The following MARCHF7 variants were observed in gnomAD, a reference collection of about 807,000 sequenced individuals.
MARCHF7 encodes membrane associated ring-CH-type finger 7.
Under a neutral mutation model 76.5 loss-of-function variants are expected in MARCHF7, and 20 were observed. That is an observed-to-expected ratio of 0.26 (90% CI 0.18 to 0.38). The LOEUF (loss-of-function observed/expected upper bound fraction) is 0.38, where lower values mean the gene tolerates loss of function less well. Ranked by LOEUF, MARCHF7 falls within the 10% of genes least tolerant of loss-of-function variation. The probability of loss-of-function intolerance (pLI) is 1.00; values close to 1 mark genes in which losing one functional copy is unlikely to be tolerated. For synonymous variants in MARCHF7, 295 were observed against 293.0 expected, an observed-to-expected ratio of 1.01 and a Z score of -0.07; for missense variants, 797 against 812.9, an observed-to-expected ratio of 0.98 and a Z score of 0.24.
intron 4 of MARCHF7, 82 bp from the exon 5 acceptor site, chr2:159,742,978 TG>T: frequency 1.7e-6 from 2 of 1,190,868 alleles, no homozygotes; most frequent in Non-Finnish European, 2.4e-6. Flanking sequence ...TTGATGCTTG[TG>T]GGAATTTATT....
intron 8 of MARCHF7, among the ~76,000 whole-genome samples, chr2:159,757,422 GAATAA>G (rs1706465720): frequency 6.6e-6 from 1 of 152,182 alleles, no homozygotes; most frequent in Non-Finnish European, 1.5e-5. Flanking sequence ...ATACAAAGAT[GAATAA>G]AATAAGTCTA....
chr2:159,744,413 G>A (rs1704587691), intron 5 of MARCHF7, among the ~76,000 whole-genome samples: 1 of 152,126 alleles, frequency 6.6e-6, no homozygotes, highest in African/African-American at 2.4e-5. Context: ...TTCATGCCTG[G>A]TATTATGTAC....
chr2:159,718,726 C>T (rs1701301807), intron 3 of MARCHF7, among the ~76,000 whole-genome samples: 1 of 152,132 alleles, frequency 6.6e-6, no homozygotes, highest in Non-Finnish European at 1.5e-5. Context: ...ATTGGTAGAA[C>T]TCCTTTCCTC....
rs917975939 is a variant in MARCHF7 at position 159,770,310 on chromosome 2, G to A, written c.*2968G>A. On this transcript the variant is annotated 3_prime_UTR_variant, in exon 12 of 12. Transcript: ENST00000409175. Reference sequence around the variant, plus strand: ...GCTCTTACAGAGCATGCTTGTGCTTGTGTAACAGCTGGTGTAATGCCTGCA... The same window carrying A: ...GCTCTTACAGAGCATGCTTGTGCTTATGTAACAGCTGGTGTAATGCCTGCA... 6.6e-6 allele frequency: 1 copy of A among 152,172 alleles called. No individual in the cohort carries two copies. The highest frequency in any genetic ancestry group is 1.5e-5 in the Non-Finnish European group (1 of 68,032). 9.4% of individuals were successfully genotyped at this position (152,172 alleles called of 1,614,324 possible).
chr2:159,748,551 T>G lies in MARCHF7; in HGVS notation c.1261T>G (p.Ser421Ala), dbSNP rs2125601238. The G allele has an allele frequency of 6.2e-7, 1 of 1,614,180 alleles. No homozygotes were observed. Among genetic ancestry groups the G allele is most frequent in the Non-Finnish European group, 8.5e-7 (1 of 1,180,016 alleles). The change falls in exon 7 of 12, where the codon TCT becomes GCT. Residue 421 changes from serine to alanine, a missense_variant. By Grantham distance (99) the Ser-to-Ala change is moderately conservative. Around this residue, in one of 3 missense-constraint regions of MARCHF7, gnomAD observed 643 missense variants for 631.5 expected, o/e 1.02. Coordinates refer to ENST00000409175, the MANE Select transcript of MARCHF7 (RefSeq NM_001282805.2). ...RIPTSDTSSRSHIFRRESNEV... is the reference protein window; with the variant it reads ...RIPTSDTSSRAHIFRRESNEV... ...ACCTACCTCTGATACATCATCTAGA[T>G]CTCATATTTTTAGAAGAGAATCAAA...
chr2:159,726,975 T>C (rs1702245888), intron 3 of MARCHF7, among the ~76,000 whole-genome samples: 1 of 152,242 alleles, frequency 6.6e-6, no homozygotes, highest in Non-Finnish European at 1.5e-5. Context: ...GGTTATACTA[T>C]ATAATCCAGG....
At position 159,748,552 on chromosome 2, in the gene MARCHF7, C is replaced by G; in HGVS notation, c.1262C>G (p.Ser421Cys). 1.2e-6 allele frequency: 2 copies of G among 1,614,156 alleles called. No homozygotes were observed. The highest frequency in any genetic ancestry group is 1.7e-6 in the Non-Finnish European group (2 of 1,180,018). The change falls in exon 7 of 12, where the codon TCT becomes TGT. Residue 421 changes from serine to cysteine, a missense_variant. Ser to Cys is a moderately radical substitution (Grantham distance 112, BLOSUM62 -1). This residue lies in a region of MARCHF7 where 643 missense variants were observed against 631.5 expected (regional missense o/e 1.02). Coordinates refer to ENST00000409175, the MANE Select transcript of MARCHF7 (RefSeq NM_001282805.2). ...RIPTSDTSSR[S>C]HIFRRESNEV... ...CCTACCTCTGATACATCATCTAGAT[C>G]TCATATTTTTAGAAGAGAATCAAAT...
rs147683093 is a variant in MARCHF7 at position 159,747,909 on chromosome 2, T to G, written c.619T>G (p.Ser207Ala). 24 of 1,614,166 alleles carry G rather than the reference T, an allele frequency of 1.5e-5. No individual in the cohort carries two copies. The highest frequency in any genetic ancestry group is 1.9e-5 in the Non-Finnish European group (23 of 1,180,018). ...ATCATCCACAAACCACCAATTGCCTTCTGAACATCAGACCATACTAAGTTC... is the reference window on the plus strand; with the variant it reads ...ATCATCCACAAACCACCAATTGCCTGCTGAACATCAGACCATACTAAGTTC... ...NTSSTNHQLP[S>A]EHQTILSSRD... The change falls in exon 7 of 12, where the codon TCT (serine) becomes GCT (alanine). Residue 207 changes from serine (S) to alanine (A), a missense_variant. Physicochemically the swap from Ser to Ala is moderately conservative, Grantham distance 99. This residue lies in a region of MARCHF7 where 643 missense variants were observed against 631.5 expected (regional missense o/e 1.02). Coordinates refer to ENST00000409175, the MANE Select transcript of MARCHF7 (RefSeq NM_001282805.2).
intron 9 of MARCHF7, 131 bp downstream of exon 9, chr2:159,759,466 A>G: frequency 2.3e-6 from 1 of 436,710 alleles, no homozygotes; most frequent in East Asian, 3.6e-5. Flanking sequence ...TGTTCTTAAC[A>G]TAATTCTGTT....
At position 159,767,590 on chromosome 2, in the gene MARCHF7, TTTAGG is replaced by T; in HGVS notation, c.*250_*254del. Reference sequence around the variant, plus strand: ...ACTGGTAATCAAAAAGGTTTTTTCTTTTAGGTGAGTGGGAAAGTATTACCCTTGTT... The same window carrying T: ...ACTGGTAATCAAAAAGGTTTTTTCTTTGAGTGGGAAAGTATTACCCTTGTT... On this transcript the variant is annotated 3_prime_UTR_variant, in exon 12 of 12. Coordinates refer to ENST00000409175, the MANE Select transcript of MARCHF7 (RefSeq NM_001282805.2). 1 of 328,562 alleles carries T rather than the reference TTTAGG, an allele frequency of 3.0e-6. No homozygotes were observed. Among genetic ancestry groups the T allele is most frequent in the Non-Finnish European group, 5.5e-6 (1 of 180,408 alleles). 20.4% of individuals were successfully genotyped at this position (328,562 alleles called of 1,614,324 possible).
chr2:159,756,027 T>C lies in MARCHF7; in HGVS notation c.1784-3199T>C, dbSNP rs1454651277. On this transcript the variant is annotated intron_variant, in intron 8 of 11. Transcript: ENST00000409175. ...GGAACTGCCTTTTCTCTGAGCTATA[T>C]GGTGTTACAGTGACTCACAGGTTTT... 5.9e-5 allele frequency among the ~76,000 whole-genome samples: 9 copies of C among 152,172 alleles called. No individual in the cohort carries two copies. In the East Asian group the frequency reaches 1.3e-3, roughly 23 times the overall value.
intron 4 of MARCHF7, 131 bp from the exon 5 acceptor site, chr2:159,742,930 C>T: frequency 3.9e-6 from 3 of 774,506 alleles, no homozygotes; most frequent in Non-Finnish European, 6.0e-6. Context: ...GAGCAAGACT[C>T]AGTCTCAAAA....
chr2:159,743,907 C>G (rs1398473547), intron 5 of MARCHF7, among the ~76,000 whole-genome samples: 3 of 139,894 alleles, frequency 2.1e-5, no homozygotes, highest in East Asian at 4.6e-4. Context: ...GACTCTGTTT[C>G]TTAAACAAAA....
At chr2:159,713,742 C>G (rs1352688975) in intron 1 of MARCHF7, among the ~76,000 whole-genome samples, 1 of 152,174 alleles carries the variant, frequency 6.6e-6, no homozygotes, top group Non-Finnish European at 1.5e-5. Flanking sequence ...GGAGACAGGA[C>G]TGGTGCATGA....
intron 4 of MARCHF7, among the ~76,000 whole-genome samples, chr2:159,739,932 T>A (rs917041131): frequency 6.6e-6 from 1 of 152,210 alleles, no homozygotes; most frequent in Non-Finnish European, 1.5e-5. Context: ...TTTAAGTCTT[T>A]GGACACTTCA....
intron 11 of MARCHF7, 42 bp from the exon 12 acceptor site, chr2:159,767,242 C>T: frequency 3.5e-6 from 5 of 1,417,338 alleles, no homozygotes; most frequent in South Asian, 1.2e-5. Context: ...CATTCTTATC[C>T]CCCTTAAAAT....
At chr2:159,741,912 C>CTGTG (rs35046267) in intron 4 of MARCHF7, among the ~76,000 whole-genome samples, 2 of 151,888 alleles carry the variant, frequency 1.3e-5, no homozygotes, top group Non-Finnish European at 2.9e-5. Flanking sequence ...TGTGTCCTGT[C>CTGTG]TGTGTGTGTG....
In MARCHF7 at chr2:159,764,255, T is replaced by TGTGTGCGC. The variant is rs10592175; in HGVS notation, c.2008-370_2008-369insTGTGCGCG. On this transcript the variant is annotated intron_variant, in intron 10 of 11. Transcript: ENST00000409175. ...GTGTGTGTGTGTGTGTGTGTGTGTG[T>TGTGTGCGC]GCGCGCGCCCACTGAAACTGAATTT... is the stretch of plus-strand genomic sequence containing the variant. Among the ~76,000 whole-genome samples the TGTGTGCGC allele has an allele frequency of 5.4e-3, 714 of 131,422 alleles. 4 individuals carry two copies. The highest frequency in any genetic ancestry group is 0.02 in the African/African-American group (669 of 32,860). 86.2% of individuals were successfully genotyped at this position (131,422 alleles called of 152,430 possible). A position where few individuals can be genotyped will look rare whatever the true frequency, so the allele number is the denominator to read the frequency against.
chr2:159,733,329 CT>C (rs1405399138), intron 4 of MARCHF7: 2 of 531,154 alleles, frequency 3.8e-6, no homozygotes. Context: ...CCTCTGCCTC[CT>C]GGGCTCAAGC....
Sources: gnomAD v4.1 joint callset for allele counts (sites outside exome capture counted in the v4.1 genomes callset) on GRCh38, gnomAD v4.1.1 for gene constraint, gnomAD v4.1.1 regional missense constraint, MANE v1.5 for transcripts, NCBI Gene and HGNC (gene_info 2026-07-23, HGNC 2026-07-21) for gene names.